The following NUP35 variants were observed in gnomAD, a reference collection of about 807,000 sequenced individuals.
NUP35 encodes nucleoporin 35.
A neutral mutation model predicts 41.5 loss-of-function variants in NUP35; 25 were observed. The observed-to-expected ratio is 0.60, with a 90% confidence interval of 0.44 to 0.84. The LOEUF (loss-of-function observed/expected upper bound fraction) is 0.84. Ranked by LOEUF, NUP35 falls within the 40% of genes least tolerant of loss-of-function variation. NUP35 has a pLI of 0.00. For missense variants in NUP35, 396 were observed against 396.6 expected (o/e 1.00, Z 0.01); for synonymous variants, 149 against 130.7 (o/e 1.14, Z -0.96).
chr2:183,143,619 C>T (rs1050746589), intron 4 of NUP35, among the ~76,000 whole-genome samples: 2 of 152,168 alleles, frequency 1.3e-5, no homozygotes, highest in Non-Finnish European at 2.9e-5. Context: ...TCTCCAGAGA[C>T]AAAATCTTTG....
chr2:183,135,897 C>T (rs1237100804), intron 4 of NUP35, among the ~76,000 whole-genome samples: 6 of 151,416 alleles, frequency 4.0e-5, no homozygotes, highest in African/African-American at 1.5e-4. Context: ...AAAAAAAAAG[C>T]ACGCAAAAAA....
chr2:183,156,416 T>TG (rs1685668649), intron 5 of NUP35, among the ~76,000 whole-genome samples: 1 of 152,230 alleles, frequency 6.6e-6, no homozygotes, highest in Non-Finnish European at 1.5e-5. Context: ...CTTGGCGCAT[T>TG]GCAACCTTTC....
At chr2:183,145,816 A>C (rs1251706271) in intron 4 of NUP35, among the ~76,000 whole-genome samples, 2 of 152,226 alleles carry the variant, frequency 1.3e-5, no homozygotes, top group Non-Finnish European at 2.9e-5. Context: ...AATGATGTCC[A>C]TGTCTTGCCT....
At chr2:183,140,718 G>T (rs907682948) in intron 4 of NUP35, among the ~76,000 whole-genome samples, 3 of 151,544 alleles carry the variant, frequency 2.0e-5, no homozygotes, top group Non-Finnish European at 4.4e-5. Context: ...AGCTACTCAG[G>T]AGGCTGAGGC....
Position 183,159,653 on chromosome 2 carries a change from G to C in NUP35, c.903+1G>C. On this transcript the variant is annotated splice_donor_variant, in intron 8 of 8. Transcript: ENST00000295119. LOFTEE classifies it high-confidence loss of function. ...CAAAGCCTCTACTAGTGATTATCAG[G>C]TATTTTAAGGATTGGATAAAAAAAG... is the stretch of plus-strand genomic sequence containing the variant. 1.2e-6 allele frequency: 2 copies of C among 1,608,532 alleles called. No homozygotes were observed. The highest frequency in any genetic ancestry group is 1.7e-6 in the Non-Finnish European group (2 of 1,176,958).
upstream of NUP35, chr2:183,124,297 C>T (rs1052437906): frequency 5.4e-6 from 8 of 1,482,772 alleles, no homozygotes; most frequent in African/African-American, 2.8e-5. Context: ...AAAGACTTTG[C>T]CCTATTCCAA....
intron 5 of NUP35, among the ~76,000 whole-genome samples, chr2:183,153,252 C>T (rs1448943942): frequency 6.6e-6 from 1 of 152,100 alleles, no homozygotes; most frequent in Admixed American, 6.6e-5. Context: ...TTCATTTCAT[C>T]CTTGGCCCCT....
chr2:183,157,639 A>G (rs982346580), intron 6 of NUP35, 126 bp downstream of exon 6: 6 of 662,266 alleles, frequency 9.1e-6, no homozygotes, highest in Non-Finnish European at 1.6e-5. Flanking sequence ...TTTTGATATA[A>G]TACATCCTTT....
At chr2:183,124,763 A>T (rs1700126112) in intron 1 of NUP35, among the ~76,000 whole-genome samples, 1 of 152,148 alleles carries the variant, frequency 6.6e-6, no homozygotes, top group Non-Finnish European at 1.5e-5. Flanking sequence ...TTGTGCCCCC[A>T]CACGCCAGCC....
At chr2:183,128,065 C>T (rs1253735797) in intron 1 of NUP35, among the ~76,000 whole-genome samples, 1 of 141,938 alleles carries the variant, frequency 7.0e-6, no homozygotes. Flanking sequence ...GAGTGAGACT[C>T]GGACTCAGAA....
At chr2:183,158,452 T>C in intron 7 of NUP35, 41 bp downstream of exon 7, 4 of 1,532,106 alleles carry the variant, frequency 2.6e-6, no homozygotes, top group African/African-American at 2.7e-5. Context: ...TTAATCTATA[T>C]GAAGAGCACA....
chr2:183,145,653 A>G (rs982869229), intron 4 of NUP35, among the ~76,000 whole-genome samples: 1 of 152,246 alleles, frequency 6.6e-6, no homozygotes, highest in Non-Finnish European at 1.5e-5. Context: ...TATTACATCT[A>G]TAATGAACCT....
Position 183,145,216 on chromosome 2 carries a change from G to A in NUP35, c.398-6292G>A, listed in dbSNP as rs536334882. Among the ~76,000 whole-genome samples the A allele has an allele frequency of 6.6e-5, 10 of 152,300 alleles. No individual in the cohort carries two copies. In the South Asian group the frequency reaches 1.0e-3, roughly 16 times the overall value. ...TAAGTAGATTCTTAAAAATATAACA[G>A]CACTTGTCAAAGTGGGATGTTTCAT... On this transcript the variant is annotated intron_variant, in intron 4 of 8. Coordinates refer to ENST00000295119, the MANE Select transcript of NUP35 (RefSeq NM_138285.5).
At chr2:183,151,424 T>C in intron 4 of NUP35, 84 bp from the exon 5 acceptor site, 1 of 1,340,068 alleles carries the variant, frequency 7.5e-7, no homozygotes, top group Non-Finnish European at 1.0e-6. Flanking sequence ...TTATTAGACT[T>C]TATCATTTAA....
At chr2:183,146,690 G>A (rs547399645) in intron 4 of NUP35, among the ~76,000 whole-genome samples, 7 of 151,990 alleles carry the variant, frequency 4.6e-5, no homozygotes, top group African/African-American at 1.4e-4. Flanking sequence ...TCTACTCCCC[G>A]GGTTTGAGCG....
intron 5 of NUP35, among the ~76,000 whole-genome samples, chr2:183,152,442 C>A (rs898232279): frequency 6.6e-6 from 1 of 152,094 alleles, no homozygotes; most frequent in Non-Finnish European, 1.5e-5. Context: ...CCTTTCCCAC[C>A]CTTTCCCCCG....
At chr2:183,143,293 T>C (rs59940909) in intron 4 of NUP35, among the ~76,000 whole-genome samples, 37 of 150,818 alleles carry the variant, frequency 2.5e-4, no homozygotes, top group African/African-American at 6.6e-4. Flanking sequence ...TTTTTTTTTT[T>C]ACCCCTCTAT....
chr2:183,128,644 A>C (rs1204942600), intron 2 of NUP35, among the ~76,000 whole-genome samples, 187 bp downstream of exon 2: 1 of 152,170 alleles, frequency 6.6e-6, no homozygotes, highest in Non-Finnish European at 1.5e-5. Flanking sequence ...TGTTTTAAGA[A>C]AGTTTACCAA....
intron 4 of NUP35, among the ~76,000 whole-genome samples, chr2:183,141,840 T>C (rs1039013028): frequency 5.3e-5 from 8 of 152,236 alleles, no homozygotes; most frequent in Admixed American, 5.2e-4. Flanking sequence ...ACAATCATCC[T>C]AGGACTTGCA....
Sources: gnomAD v4.1 joint callset for allele counts (sites outside exome capture counted in the v4.1 genomes callset) on GRCh38, gnomAD v4.1.1 for gene constraint, MANE v1.5 for transcripts, NCBI Gene and HGNC (gene_info 2026-07-23, HGNC 2026-07-21) for gene names.